FBLN7: variants seen among roughly 807,000 people sequenced by gnomAD.
FBLN7 encodes the protein fibulin 7, also known as fibulin-7.
Under a neutral mutation model 44.0 loss-of-function variants are expected in FBLN7, and 31 were observed. That is an observed-to-expected ratio of 0.70 (90% CI 0.53 to 0.95). The LOEUF (loss-of-function observed/expected upper bound fraction) is 0.95. FBLN7 is among the 40% of genes least tolerant of loss of function. The pLI is 0.00. For synonymous variants in FBLN7, 262 were observed against 253.4 expected (o/e 1.03, Z -0.32); for missense variants, 573 against 618.5 (o/e 0.93, Z 0.78).
intron 7 of FBLN7, among the ~76,000 whole-genome samples, chr2:112,185,790 C>T (rs1203628237): frequency 6.6e-6 from 1 of 151,860 alleles, no homozygotes; most frequent in Non-Finnish European, 1.5e-5. Context: ...GTGCACCCTG[C>T]ATTATATCAC....
chr2:112,188,498 C>A (rs11903915), downstream of FBLN7: 33,011 of 151,216 alleles, frequency 0.22, 3,871 homozygotes, highest in African/African-American at 0.28. Flanking sequence ...TCCAGGTGAT[C>A]AAAGAGAGAA....
chr2:112,171,021 C>T (rs1334768147), intron 3 of FBLN7, among the ~76,000 whole-genome samples: 1 of 152,088 alleles, frequency 6.6e-6, no homozygotes, highest in African/African-American at 2.4e-5. Context: ...GAAGACTGAG[C>T]GATGGATGTG....
the FBLN7 span, among the ~76,000 whole-genome samples, chr2:112,233,658 G>C: frequency 6.6e-6 from 1 of 152,230 alleles, no homozygotes; most frequent in East Asian, 1.9e-4. Context: ...ATGAGGTCAG[G>C]AGATCGAGAC....
the FBLN7 span, chr2:112,234,260 C>T: frequency 6.8e-7 from 1 of 1,481,204 alleles, no homozygotes; most frequent in Non-Finnish European, 9.2e-7. Context: ...AACAAAAAAA[C>T]TAAATGTAAG....
At chr2:112,150,489 G>A (rs1156228682) in intron 1 of FBLN7, among the ~76,000 whole-genome samples, 1 of 152,104 alleles carries the variant, frequency 6.6e-6, no homozygotes, top group Admixed American at 6.5e-5. Flanking sequence ...CTGCAATTTA[G>A]GCCTTTTCTC....
chr2:112,147,005 T>C (rs1288930136), intron 1 of FBLN7, among the ~76,000 whole-genome samples: 1 of 152,234 alleles, frequency 6.6e-6, no homozygotes, highest in Non-Finnish European at 1.5e-5. Context: ...TTATTATGAA[T>C]GGACATTGAA....
At chr2:112,167,760 A>G (rs1032663413) in intron 3 of FBLN7, among the ~76,000 whole-genome samples, 1 of 152,216 alleles carries the variant, frequency 6.6e-6, no homozygotes, top group Non-Finnish European at 1.5e-5. Flanking sequence ...AATATATTGA[A>G]AATTTTGAAG....
At chr2:112,179,749 C>T (rs529321490) in intron 4 of FBLN7, among the ~76,000 whole-genome samples, 1 of 152,146 alleles carries the variant, frequency 6.6e-6, no homozygotes. Context: ...GGAAAAGACT[C>T]CTATTCAATA....
the FBLN7 span, among the ~76,000 whole-genome samples, chr2:112,196,374 C>CTTTTTTTT: frequency 2.2e-4 from 14 of 63,244 alleles, no homozygotes; most frequent in Non-Finnish European, 3.4e-4. Context: ...TCTTCTTCTT[C>CTTTTTTTT]TTTTTTTTTT....
At chr2:112,206,704 C>G in the FBLN7 span, among the ~76,000 whole-genome samples, 2 of 147,832 alleles carry the variant, frequency 1.4e-5, no homozygotes, top group Non-Finnish European at 1.5e-5. Flanking sequence ...GCCACTGTGC[C>G]TGGGCTTCTA....
chr2:112,194,295 G>C, the FBLN7 span, among the ~76,000 whole-genome samples: 2 of 152,218 alleles, frequency 1.3e-5, no homozygotes, highest in Non-Finnish European at 2.9e-5. Context: ...ATATGTACAA[G>C]CTAAGAGTCA....
chr2:112,163,833 T>G (rs1198116257), intron 2 of FBLN7, among the ~76,000 whole-genome samples: 1 of 152,220 alleles, frequency 6.6e-6, no homozygotes, highest in Admixed American at 6.5e-5. Context: ...GCCTGACTCA[T>G]GTCTAACTAC....
At chr2:112,208,841 A>G in the FBLN7 span, among the ~76,000 whole-genome samples, 2 of 152,172 alleles carry the variant, frequency 1.3e-5, no homozygotes, top group African/African-American at 4.8e-5. Flanking sequence ...ACATTTGGGG[A>G]TCAGTTCATT....
chr2:112,231,797 T>TA, the FBLN7 span: 5 of 1,341,982 alleles, frequency 3.7e-6, no homozygotes, highest in Non-Finnish European at 5.1e-6. Flanking sequence ...ACATATTCCT[T>TA]AAAAAAGAAA....
chr2:112,189,814 G>A (rs1332938317), downstream of FBLN7: 5 of 152,036 alleles, frequency 3.3e-5, no homozygotes, highest in Non-Finnish European at 7.4e-5. Flanking sequence ...AAATATTTTA[G>A]AATGTATCTC....
Position 112,181,830 on chromosome 2 carries a change from GGCCGGATTCCACCTGAGCGGCGCC to G in FBLN7, c.630_653del (p.Phe211_Gly218del). The G allele has an allele frequency of 6.6e-7, 1 of 1,522,362 alleles. No individual in the cohort carries two copies. Among genetic ancestry groups the G allele is most frequent in the South Asian group, 1.2e-5 (1 of 83,664 alleles). 94.3% of individuals were successfully genotyped at this position (1,522,362 alleles called of 1,614,324 possible). On this transcript the variant is annotated inframe_deletion, in exon 5 of 8. Transcript: ENST00000331203. ...AGCGGGCTCAGCACTGCAGCTGCGAGGCCGGATTCCACCTGAGCGGCGCCGCCGGCGACAGCGTCTGCCAGGGTA... is the reference window on the plus strand; with the variant it reads ...AGCGGGCTCAGCACTGCAGCTGCGAGGCCGGCGACAGCGTCTGCCAGGGTA...
intron 4 of FBLN7, chr2:112,177,002 C>T (rs1682768689): frequency 1.3e-5 from 2 of 151,182 alleles, no homozygotes; most frequent in Non-Finnish European, 2.9e-5. Context: ...GTGGCACCAT[C>T]TCAGCTCACT....
chr2:112,240,447 G>A, the FBLN7 span: 2 of 152,206 alleles, frequency 1.3e-5, no homozygotes, highest in African/African-American at 4.8e-5. Flanking sequence ...CTCCTATGAA[G>A]TTTAGCTTAA....
rs138042554 is a variant in FBLN7, at chr2:112,183,541, C to T, written c.808+613C>T. Among the ~76,000 whole-genome samples the T allele has an allele frequency of 8.5e-3, 1,299 of 152,286 alleles. 5 individuals carry two copies. Among genetic ancestry groups the T allele is most frequent in the Non-Finnish European group, 0.014 (924 of 68,026 alleles). On this transcript the variant is annotated intron_variant, in intron 6 of 7. Coordinates refer to ENST00000331203, the MANE Select transcript of FBLN7 (RefSeq NM_153214.3). ...GAAAGATTGTGGCTCTGATCAAGGA[C>T]ACAGCCTCCATCAGAACCACATCCA...
Sources: gnomAD v4.1 joint callset for allele counts (sites outside exome capture counted in the v4.1 genomes callset) on GRCh38, gnomAD v4.1.1 for gene constraint, MANE v1.5 for transcripts, NCBI Gene and HGNC (gene_info 2026-07-23, HGNC 2026-07-21) for gene names.